THADA: variants seen among roughly 807,000 people sequenced by gnomAD.
The protein encoded by THADA is THADA armadillo repeat containing.
THADA carries 213 observed loss-of-function variants against 219.8 expected under a neutral mutation model. The ratio of observed to expected loss-of-function variants is 0.97; its 90% CI spans 0.87 to 1.09. THADA has a LOEUF of 1.09. THADA is among the 50% of genes least tolerant of loss of function. THADA has a pLI of 0.00. For missense variants in THADA, 2,956 were observed against 2,311.3 expected (o/e 1.28, Z -5.72); for synonymous variants, 1,018 against 828.9 (o/e 1.23, Z -3.92).
At chr2:43,375,165 G>C (rs10495899) in intron 29 of THADA, among the ~76,000 whole-genome samples, 33,757 of 152,042 alleles carry the variant, frequency 0.22, 4,633 homozygotes, top group African/African-American at 0.38. Flanking sequence ...TTACAGCATC[G>C]TTGCCAATTA....
chr2:43,543,636 C>A (rs2103830442), intron 20 of THADA, among the ~76,000 whole-genome samples: 1 of 152,308 alleles, frequency 6.6e-6, no homozygotes, highest in South Asian at 2.1e-4. Flanking sequence ...TGATGGTGAG[C>A]ATTTTTTCAT....
chr2:43,341,904 C>T (rs1002855272), intron 30 of THADA, among the ~76,000 whole-genome samples: 4 of 152,134 alleles, frequency 2.6e-5, no homozygotes, highest in African/African-American at 9.7e-5. Context: ...AACTCCTACT[C>T]TCTAAATAAA....
At position 43,286,911 on chromosome 2, in the gene THADA, G is replaced by C; in HGVS notation, c.5161C>G (p.Leu1721Val). ...ACTTCCGTCTCGGCGCACTTACCAA[G>C]AATAGGATGGGGGTTGGTGAGGAAA... The part of the protein sequence containing the change: ...PLFLTNPHPI[L>V]ELQDTLALWK... Residue 1721 changes from leucine (L) to valine (V), a missense_variant, in exon 35 of 38, where the codon CTT (leucine) becomes GTT (valine). By Grantham distance (32) the Leu-to-Val change is conservative (BLOSUM62 1). Transcript: ENST00000405975. 1.2e-6 allele frequency: 2 copies of C among 1,611,038 alleles called. No individual in the cohort carries two copies. Among genetic ancestry groups the C allele is most frequent in the Non-Finnish European group, 1.7e-6 (2 of 1,177,354 alleles).
At chr2:43,560,133 G>A (rs1325482695) in intron 16 of THADA, 101 bp downstream of exon 16, 4 of 976,494 alleles carry the variant, frequency 4.1e-6, no homozygotes, top group Admixed American at 3.2e-5. Context: ...AAAAACATGA[G>A]CAGGCAGATG....
intron 22 of THADA, among the ~76,000 whole-genome samples, chr2:43,526,838 C>A (rs1042193965): frequency 2.6e-5 from 4 of 152,120 alleles, no homozygotes; most frequent in Non-Finnish European, 4.4e-5. Flanking sequence ...CCAAACCAAG[C>A]ACAGTACTAA....
intron 11 of THADA, among the ~76,000 whole-genome samples, chr2:43,574,019 G>A (rs980288324): frequency 6.7e-6 from 1 of 150,124 alleles, no homozygotes; most frequent in Non-Finnish European, 1.5e-5. Flanking sequence ...CATTATATAA[G>A]ACACACAAAC....
At chr2:43,397,950 A>C (rs373799437) in intron 29 of THADA, 21 bp downstream of exon 29, 4 of 1,613,068 alleles carry the variant, frequency 2.5e-6, no homozygotes, top group African/African-American at 1.3e-5. Flanking sequence ...GACAGAAGTC[A>C]CACAAAGCAA....
chr2:43,578,975 G>A (rs897447677), intron 8 of THADA, among the ~76,000 whole-genome samples: 7 of 152,156 alleles, frequency 4.6e-5, no homozygotes, highest in Non-Finnish European at 8.8e-5. Context: ...GGGACTACAG[G>A]CGCGTGCCAC....
intron 26 of THADA, among the ~76,000 whole-genome samples, chr2:43,446,661 G>A (rs935583679): frequency 6.6e-5 from 10 of 152,194 alleles, no homozygotes; most frequent in Non-Finnish European, 1.2e-4. Context: ...ATGATAAATT[G>A]TTAAGTCATT....
intron 26 of THADA, among the ~76,000 whole-genome samples, chr2:43,437,920 A>G (rs1025989787): frequency 2.6e-5 from 4 of 152,196 alleles, no homozygotes; most frequent in Non-Finnish European, 4.4e-5. Context: ...TAAAGGACAA[A>G]TAATATAAAA....
At chr2:43,517,867 T>C (rs1691925521) in intron 22 of THADA, among the ~76,000 whole-genome samples, 2 of 152,170 alleles carry the variant, frequency 1.3e-5, no homozygotes, top group South Asian at 4.1e-4. Context: ...GCCCTACGTA[T>C]CTGGACAATC....
At chr2:43,243,146 C>T (rs1005609193) in intron 36 of THADA, among the ~76,000 whole-genome samples, 2 of 152,194 alleles carry the variant, frequency 1.3e-5, no homozygotes, top group East Asian at 3.8e-4. Flanking sequence ...CCCTGACTTC[C>T]ACTATTCCTG....
At chr2:43,489,745 G>A (rs188824517) in intron 25 of THADA, among the ~76,000 whole-genome samples, 29 of 152,146 alleles carry the variant, frequency 1.9e-4, no homozygotes, top group African/African-American at 6.7e-4. Context: ...AATGCCACAA[G>A]CTCTAATTTA....
At chr2:43,299,577 G>A (rs529072531) in intron 31 of THADA, among the ~76,000 whole-genome samples, 2 of 152,180 alleles carry the variant, frequency 1.3e-5, no homozygotes, top group African/African-American at 4.8e-5. Context: ...GAGGAGAATC[G>A]CTTGAACCCA....
intron 29 of THADA, among the ~76,000 whole-genome samples, chr2:43,353,976 C>A (rs1008750763): frequency 1.3e-5 from 2 of 152,220 alleles, no homozygotes; most frequent in Admixed American, 6.5e-5. Context: ...TGCCACCATG[C>A]CCGGCTAATT....
At position 43,592,305 on chromosome 2, in the gene THADA, G is replaced by T. The variant is rs548699394; in HGVS notation, c.76+12C>A. ...GAAAAAAATATAATAAGGGAAACCA[G>T]AAGTCACCTACATTTCAAAGTTTCA... On this transcript the variant is annotated intron_variant, in intron 2 of 37. Transcript: ENST00000405975. 4 of 1,588,640 alleles carry T rather than the reference G, an allele frequency of 2.5e-6. No individual in the cohort carries two copies. Among genetic ancestry groups the T allele is most frequent in the Admixed American group, 3.6e-5 (2 of 55,772 alleles).
intron 31 of THADA, among the ~76,000 whole-genome samples, chr2:43,296,711 T>C (rs1343354318): frequency 6.6e-6 from 1 of 152,190 alleles, no homozygotes; most frequent in Non-Finnish European, 1.5e-5. Flanking sequence ...TACTATCATC[T>C]CCAGGTACCA....
intron 21 of THADA, 109 bp downstream of exon 21, chr2:43,541,050 T>C (rs1366073006): frequency 1.8e-6 from 2 of 1,126,086 alleles, no homozygotes; most frequent in African/African-American, 1.6e-5. Context: ...ATTTGTATGA[T>C]TTTATTCAAG....
At chr2:43,577,509 C>CT (rs572370994) in intron 9 of THADA, among the ~76,000 whole-genome samples, 24,525 of 144,064 alleles carry the variant, frequency 0.17, 2,459 homozygotes, top group African/African-American at 0.29. Context: ...TTAACAACTG[C>CT]TTTTTTTTTT....
Sources: gnomAD v4.1 joint callset for allele counts (sites outside exome capture counted in the v4.1 genomes callset) on GRCh38, gnomAD v4.1.1 for gene constraint, MANE v1.5 for transcripts, NCBI Gene and HGNC (gene_info 2026-07-23, HGNC 2026-07-21) for gene names.